The following CSMD2 variants were observed in gnomAD, a reference collection of about 807,000 sequenced individuals.
CSMD2 encodes the protein CUB and Sushi multiple domains 2, also known as CUB and sushi domain-containing protein 2.
A neutral mutation model predicts 398.5 loss-of-function variants in CSMD2; 130 were observed. The observed-to-expected ratio is 0.33, with a 90% CI of 0.28 to 0.38. The LOEUF (loss-of-function observed/expected upper bound fraction) is 0.38, where lower values mean the gene tolerates loss of function less well. Ranked by LOEUF, CSMD2 falls within the 10% of genes least tolerant of loss-of-function variation. The probability of loss-of-function intolerance (pLI) is 1.00; values close to 1 mark genes in which losing one functional copy is unlikely to be tolerated. For synonymous variants in CSMD2, 1,828 were observed against 1,908.5 expected (o/e 0.96, Z 1.10); for missense variants, 3,829 against 4,764.9 (o/e 0.80, Z 5.78).
intron 62 of CSMD2, among the ~76,000 whole-genome samples, chr1:33,534,370 G>T (rs1342115808): frequency 6.6e-6 from 1 of 152,210 alleles, no homozygotes; most frequent in East Asian, 1.9e-4. Flanking sequence ...AATATTGTGT[G>T]TGTGTTCCTT....
intron 3 of CSMD2, among the ~76,000 whole-genome samples, chr1:33,967,834 C>T (rs1466386568): frequency 6.6e-6 from 1 of 152,152 alleles, no homozygotes; most frequent in Non-Finnish European, 1.5e-5. Flanking sequence ...GCAGGATAAA[C>T]CTTGAGATGA....
chr1:33,534,378 C>T (rs1260068399), intron 62 of CSMD2, among the ~76,000 whole-genome samples: 1 of 152,184 alleles, frequency 6.6e-6, no homozygotes, highest in African/African-American at 2.4e-5. Context: ...GTGTGTGTTC[C>T]TTTCCTCAAT....
rs771706014 is a variant in CSMD2, at chr1:33,572,576, G to A, written c.7692C>T (p.Gly2564=). ...CCAGACACTCTGCAGTGGCCTCAGC[G>A]CCTGCCTGGAGGTGGTAGCCTTCAC... ...SCSEGYHLQA[G]AEATAECLDT... is the part of the protein sequence containing the mutation. Residue 2564 remains glycine (G), a synonymous_variant, in exon 50 of 71, where the codon GGC becomes GGT. Coordinates refer to ENST00000373381, the MANE Select transcript of CSMD2 (RefSeq NM_001281956.2). 9 of 1,614,116 alleles carry A rather than the reference G, an allele frequency of 5.6e-6. No homozygotes were observed. Among genetic ancestry groups the A allele is most frequent in the Non-Finnish European group, 6.8e-6 (8 of 1,180,006 alleles).
intron 62 of CSMD2, among the ~76,000 whole-genome samples, chr1:33,534,884 T>G (rs1270448854): frequency 6.6e-6 from 1 of 152,180 alleles, no homozygotes; most frequent in East Asian, 1.9e-4. Context: ...ACAAAATGTA[T>G]CCCGAACAAG....
intron 49 of CSMD2, among the ~76,000 whole-genome samples, chr1:33,575,289 G>A (rs561837594): frequency 1.3e-5 from 2 of 152,288 alleles, no homozygotes; most frequent in East Asian, 1.9e-4. Flanking sequence ...GTCATGGTTT[G>A]GAAACAGCAG....
chr1:33,722,453 C>A (rs898208603), intron 19 of CSMD2, among the ~76,000 whole-genome samples: 2 of 152,180 alleles, frequency 1.3e-5, no homozygotes, highest in East Asian at 1.9e-4. Context: ...CAGACTGTTA[C>A]AATTTTCTTT....
chr1:34,112,337 C>A (rs1661177499), intron 1 of CSMD2, among the ~76,000 whole-genome samples: 1 of 152,192 alleles, frequency 6.6e-6, no homozygotes, highest in Non-Finnish European at 1.5e-5. Flanking sequence ...ATGGCCTTTG[C>A]TCACCCTGGG....
At chr1:33,907,285 ATTTTTTT>A (rs565058113) in intron 5 of CSMD2, among the ~76,000 whole-genome samples, 21 of 140,978 alleles carry the variant, frequency 1.5e-4, no homozygotes, top group Admixed American at 6.4e-4. Flanking sequence ...CGCCCAGCTA[ATTTTTTT>A]TTTTTTTTGT....
At chr1:33,759,533 G>A (rs1649541498) in intron 13 of CSMD2, among the ~76,000 whole-genome samples, 1 of 151,954 alleles carries the variant, frequency 6.6e-6, no homozygotes, top group Admixed American at 6.6e-5. Flanking sequence ...CACGGTGTTA[G>A]CCAGGATGGT....
chr1:33,929,814 C>G (rs1644254981), intron 4 of CSMD2, among the ~76,000 whole-genome samples: 1 of 152,066 alleles, frequency 6.6e-6, no homozygotes, highest in Non-Finnish European at 1.5e-5. Context: ...CACCTCAGGG[C>G]CTTTGCACTT....
intron 2 of CSMD2, among the ~76,000 whole-genome samples, chr1:34,035,640 T>C (rs1340843795): frequency 6.6e-6 from 1 of 151,422 alleles, no homozygotes; most frequent in East Asian, 1.9e-4. Flanking sequence ...GAAAAAGTAT[T>C]TGACACATTT....
chr1:33,739,966 C>T (rs1398127648), intron 14 of CSMD2, among the ~76,000 whole-genome samples: 1 of 152,136 alleles, frequency 6.6e-6, no homozygotes, highest in East Asian at 1.9e-4. Context: ...TTTAATCATG[C>T]TTTGCCTTTT....
At chr1:33,832,018 CTGAG>C (rs1343099731) in intron 6 of CSMD2, among the ~76,000 whole-genome samples, 1 of 151,824 alleles carries the variant, frequency 6.6e-6, no homozygotes, top group Admixed American at 6.6e-5. Flanking sequence ...AAAGCAAGTC[CTGAG>C]TGACCTACAA....
At chr1:33,983,138 T>C (rs1646230683) in intron 3 of CSMD2, among the ~76,000 whole-genome samples, 1 of 152,116 alleles carries the variant, frequency 6.6e-6, no homozygotes, top group Non-Finnish European at 1.5e-5. Flanking sequence ...GGGTCTACAG[T>C]TATGACAAGG....
chr1:33,980,276 C>T (rs1342629927), intron 3 of CSMD2, among the ~76,000 whole-genome samples: 9 of 152,166 alleles, frequency 5.9e-5, no homozygotes, highest in East Asian at 3.9e-4. Context: ...AAACTGGAGC[C>T]TCAGGACCAC....
At position 33,557,902 on chromosome 1, in the gene CSMD2, C is replaced by T. The variant is rs1294247444; in HGVS notation, c.8575G>A (p.Gly2859Arg). ...TGACGAACACTATTTTCTTGGTGTC[C>T]AGGATCTGTACAGTTGATGACTGCA... The part of the protein sequence containing the change: ...TCRIINCTDP[G>R]HQENSVRQVH... Residue 2859 changes from glycine (G) to arginine (R), a missense_variant, in exon 55 of 71, where the codon GGA becomes AGA. Physicochemically the swap from Gly to Arg is moderately radical, Grantham distance 125. This residue lies in a region of CSMD2 where 917 missense variants were observed against 1,199.5 expected (regional missense o/e 0.76). Coordinates refer to ENST00000373381, the MANE Select transcript of CSMD2 (RefSeq NM_001281956.2). 6.5e-7 allele frequency: 1 copy of T among 1,536,116 alleles called. No homozygotes were observed. Among genetic ancestry groups the T allele is most frequent in the Non-Finnish European group, 8.7e-7 (1 of 1,146,908 alleles).
intron 48 of CSMD2, among the ~76,000 whole-genome samples, chr1:33,578,413 A>G (rs1439494886): frequency 2.0e-5 from 3 of 152,030 alleles, no homozygotes; most frequent in Admixed American, 2.0e-4. Flanking sequence ...CCTCATCTCT[A>G]CTAACAATAT....
chr1:33,571,609 T>C lies in CSMD2; in HGVS notation c.7880A>G (p.Tyr2627Cys). The stretch of plus-strand genomic sequence containing the variant: ...GCGGATGACCCTTTGGCCAGTATAG[T>C]AGTAGCCAGGGTCACAGATGAGCAT... Reference protein sequence around the residue: ...QLMLICDPGYYYTGQRVIRCQ... With the variant: ...QLMLICDPGYCYTGQRVIRCQ... Residue 2627 changes from tyrosine to cysteine, a missense_variant, in exon 51 of 71, where the codon TAC becomes TGC. Coordinates refer to ENST00000373381, the MANE Select transcript of CSMD2 (RefSeq NM_001281956.2). 1 of 1,591,040 alleles carries C rather than the reference T, an allele frequency of 6.3e-7. No homozygotes were observed. Among genetic ancestry groups the C allele is most frequent in the Non-Finnish European group, 8.6e-7 (1 of 1,165,480 alleles).
chr1:33,830,332 A>G (rs1389777071), intron 6 of CSMD2, among the ~76,000 whole-genome samples: 1 of 152,202 alleles, frequency 6.6e-6, no homozygotes, highest in Admixed American at 6.5e-5. Flanking sequence ...GAATAATCAG[A>G]CAGCAGCATT....
Sources: allele counts gnomAD v4.1 joint callset (sites outside exome capture counted in the v4.1 genomes callset), GRCh38; gene constraint gnomAD v4.1.1; regional missense constraint gnomAD v4.1.1; transcripts MANE v1.5; gene names NCBI Gene and HGNC (gene_info 2026-07-23, HGNC 2026-07-21).